Variants in CABLES1 observed in about 807,000 individuals in gnomAD.
CABLES1 encodes the protein CDK5 and ABL1 enzyme substrate 1.
In CABLES1, 36 loss-of-function variants were observed where a neutral mutation model predicts 57.8. The ratio of observed to expected loss-of-function variants is 0.62; its 90% CI spans 0.48 to 0.82. The LOEUF (loss-of-function observed/expected upper bound fraction) is 0.82, where lower values mean the gene tolerates loss of function less well. Among genes scored for constraint, CABLES1 ranks in the 40% least tolerant of loss-of-function variants. The pLI, the probability that CABLES1 is intolerant of heterozygous loss-of-function variation, is 0.00. For synonymous variants in CABLES1, 374 were observed against 363.0 expected, an observed-to-expected ratio of 1.03 and a Z score of -0.35; for missense variants, 767 against 836.6, an observed-to-expected ratio of 0.92 and a Z score of 1.03.
intron 7 of CABLES1, among the ~76,000 whole-genome samples, chr18:23,246,644 G>C (rs1397371646): frequency 6.6e-6 from 1 of 151,552 alleles, no homozygotes; most frequent in Non-Finnish European, 1.5e-5. Flanking sequence ...GCCCACCTTG[G>C]CCTCCCAAAG....
chr18:23,156,078 GTCAGT>G, intron 1 of CABLES1: 1 of 1,146,196 alleles, frequency 8.7e-7, no homozygotes, highest in South Asian at 1.4e-5. Flanking sequence ...AAAGCGGGAT[GTCAGT>G]CCTGATGTGG....
chr18:23,206,697 A>G (rs1180734548), intron 3 of CABLES1, among the ~76,000 whole-genome samples: 2 of 152,096 alleles, frequency 1.3e-5, no homozygotes, highest in African/African-American at 2.4e-5. Flanking sequence ...GGTCATTCCT[A>G]TTTCAACTGC....
At chr18:23,170,954 A>G (rs936534799) in intron 1 of CABLES1, among the ~76,000 whole-genome samples, 3 of 152,100 alleles carry the variant, frequency 2.0e-5, no homozygotes, top group South Asian at 2.1e-4. Flanking sequence ...CCGCCACCAC[A>G]CTTGGCTAAT....
At chr18:23,163,193 TGGAGGA>T (rs1167088094) in intron 1 of CABLES1, among the ~76,000 whole-genome samples, 1 of 151,698 alleles carries the variant, frequency 6.6e-6, no homozygotes, top group Non-Finnish European at 1.5e-5. Context: ...TGGCTTAATA[TGGAGGA>T]GGAGGAGGAA....
intron 7 of CABLES1, among the ~76,000 whole-genome samples, chr18:23,245,203 GT>G (rs2047844161): frequency 6.6e-6 from 1 of 152,144 alleles, no homozygotes; most frequent in Non-Finnish European, 1.5e-5. Flanking sequence ...TCAAGACTTT[GT>G]TTTTGTACAA....
At chr18:23,214,751 A>G (rs1429430974) in intron 4 of CABLES1, 1 of 152,270 alleles carries the variant, frequency 6.6e-6, no homozygotes, top group Non-Finnish European at 1.5e-5. Context: ...TTCACTGCGT[A>G]AGAAGTCAAG....
intron 1 of CABLES1, among the ~76,000 whole-genome samples, chr18:23,160,630 A>G (rs928363468): frequency 2.0e-5 from 3 of 152,150 alleles, no homozygotes; most frequent in African/African-American, 4.8e-5. Context: ...TCCCTGATGT[A>G]CTTTGCAGGA....
chr18:23,246,133 G>A (rs1395906424), intron 7 of CABLES1, among the ~76,000 whole-genome samples: 4 of 152,048 alleles, frequency 2.6e-5, no homozygotes, highest in African/African-American at 4.8e-5. Flanking sequence ...GTGTGGTGGT[G>A]CACACCTGTT....
At chr18:23,214,959 C>T (rs768838608) in intron 4 of CABLES1, among the ~76,000 whole-genome samples, 3 of 152,226 alleles carry the variant, frequency 2.0e-5, no homozygotes, top group Non-Finnish European at 2.9e-5. Flanking sequence ...GCTAGACTTA[C>T]GGCCTATTCG....
At chr18:23,147,188 C>G (rs1012028411) in intron 1 of CABLES1, among the ~76,000 whole-genome samples, 3 of 152,182 alleles carry the variant, frequency 2.0e-5, no homozygotes, top group South Asian at 2.1e-4. Flanking sequence ...CAGTTCCTCC[C>G]GCAGGGAGTA....
intron 1 of CABLES1, among the ~76,000 whole-genome samples, chr18:23,165,836 C>T (rs983772151): frequency 8.5e-5 from 13 of 152,168 alleles, no homozygotes; most frequent in African/African-American, 2.7e-4. Context: ...TGCTAAAACT[C>T]GTCCTCTCCT....
intron 1 of CABLES1, among the ~76,000 whole-genome samples, chr18:23,155,560 C>T (rs960991191): frequency 1.3e-5 from 2 of 152,210 alleles, no homozygotes; most frequent in East Asian, 1.9e-4. Context: ...ATTTTATTAG[C>T]ATTGGCATCT....
intron 7 of CABLES1, among the ~76,000 whole-genome samples, chr18:23,246,606 T>C (rs530310170): frequency 6.6e-6 from 1 of 151,814 alleles, no homozygotes; most frequent in Non-Finnish European, 1.5e-5. Context: ...TTAGCCAGGA[T>C]GGTCTCGATC....
chr18:23,173,874 G>T (rs1333694858), intron 1 of CABLES1, among the ~76,000 whole-genome samples: 1 of 152,144 alleles, frequency 6.6e-6, no homozygotes, highest in Non-Finnish European at 1.5e-5. Context: ...AAGGTGGGAG[G>T]ATCGCCTGAA....
chr18:23,144,700 C>T (rs1000484561), intron 1 of CABLES1, among the ~76,000 whole-genome samples: 4 of 152,184 alleles, frequency 2.6e-5, no homozygotes, highest in Non-Finnish European at 5.9e-5. Context: ...TTTAGTTTTC[C>T]TGGCTTCTAA....
chr18:23,139,688 C>T (rs753721250), intron 1 of CABLES1, among the ~76,000 whole-genome samples: 1 of 152,170 alleles, frequency 6.6e-6, no homozygotes, highest in Non-Finnish European at 1.5e-5. Flanking sequence ...TAGATTCTTT[C>T]ACAGGTGAGG....
At chr18:23,138,996 G>A (rs1267262281) in intron 1 of CABLES1, among the ~76,000 whole-genome samples, 2 of 152,082 alleles carry the variant, frequency 1.3e-5, no homozygotes, top group African/African-American at 4.8e-5. Flanking sequence ...CAGGTGATTT[G>A]TATACAAATT....
At chr18:23,228,846 A>C (rs2047547087) in intron 4 of CABLES1, among the ~76,000 whole-genome samples, 1 of 152,076 alleles carries the variant, frequency 6.6e-6, no homozygotes, top group South Asian at 2.1e-4. Flanking sequence ...ACAGAATGTG[A>C]AAGCAGCTCC....
intron 1 of CABLES1, among the ~76,000 whole-genome samples, chr18:23,164,862 C>T (rs936512092): frequency 1.3e-5 from 2 of 152,124 alleles, no homozygotes; most frequent in African/African-American, 4.8e-5. Context: ...ACCTCTGCCT[C>T]CTGGGTTCCA....
Sources: allele counts gnomAD v4.1 joint callset (sites outside exome capture counted in the v4.1 genomes callset), GRCh38; gene constraint gnomAD v4.1.1; transcripts MANE v1.5; gene names NCBI Gene and HGNC (gene_info 2026-07-23, HGNC 2026-07-21).